The following MBNL2 variants were observed in gnomAD, a reference collection of about 807,000 sequenced individuals.
MBNL2 encodes muscleblind like splicing regulator 2.
MBNL2 carries 17 observed loss-of-function variants against 41.9 expected under a neutral mutation model. The observed-to-expected ratio is 0.41, with a 90% CI of 0.28 to 0.61. The LOEUF (loss-of-function observed/expected upper bound fraction) is 0.61. Among genes scored for constraint, MBNL2 ranks in the 20% least tolerant of loss-of-function variants. The pLI is 0.35. For missense variants in MBNL2, 336 were observed against 505.6 expected (o/e 0.66, Z 3.22); for synonymous variants, 195 against 182.9 (o/e 1.07, Z -0.53).
intron 1 of MBNL2, among the ~76,000 whole-genome samples, chr13:97,248,732 CTATAAAATCA>C (rs2045962217): frequency 6.6e-6 from 1 of 152,014 alleles, no homozygotes; most frequent in Admixed American, 6.6e-5. Flanking sequence ...TTCTAAAATC[CTATAAAATCA>C]GATAAAGAAA....
At chr13:97,173,366 GA>G in the MBNL2 span, among the ~76,000 whole-genome samples, 7 of 152,326 alleles carry the variant, frequency 4.6e-5, no homozygotes, top group African/African-American at 1.7e-4. Flanking sequence ...CTAATACAAA[GA>G]ACTAACCAAA....
chr13:97,372,351 C>T (rs1015243009), intron 8 of MBNL2, among the ~76,000 whole-genome samples: 1 of 151,958 alleles, frequency 6.6e-6, no homozygotes, highest in African/African-American at 2.4e-5. Flanking sequence ...TAAGTACATT[C>T]AACAGAGAGT....
intron 2 of MBNL2, among the ~76,000 whole-genome samples, chr13:97,328,905 G>A (rs2060139050): frequency 1.3e-5 from 2 of 151,990 alleles, no homozygotes; most frequent in Admixed American, 1.3e-4. Flanking sequence ...TTTAAAATAA[G>A]CCATTAGGAA....
chr13:97,241,940 CA>C (rs1173066596), intron 1 of MBNL2, among the ~76,000 whole-genome samples: 1 of 152,160 alleles, frequency 6.6e-6, no homozygotes, highest in Non-Finnish European at 1.5e-5. Context: ...ACCACTCAAA[CA>C]AAAGCCAATA....
the MBNL2 span, among the ~76,000 whole-genome samples, chr13:97,164,431 G>A: frequency 6.6e-6 from 1 of 152,198 alleles, no homozygotes; most frequent in Non-Finnish European, 1.5e-5. Context: ...CTGGTACACA[G>A]AGGCCCTTAA....
chr13:97,256,982 G>T (rs932746399), intron 1 of MBNL2, among the ~76,000 whole-genome samples: 1 of 152,118 alleles, frequency 6.6e-6, no homozygotes, highest in African/African-American at 2.4e-5. Context: ...TTATTTCATC[G>T]TTAGTTAAAA....
chr13:97,270,077 G>A (rs1295168686), intron 1 of MBNL2, among the ~76,000 whole-genome samples: 1 of 152,164 alleles, frequency 6.6e-6, no homozygotes, highest in Non-Finnish European at 1.5e-5. Context: ...CTTGCCCAAG[G>A]TTATGTGACG....
chr13:97,353,650 T>C (rs1336655015), intron 5 of MBNL2, among the ~76,000 whole-genome samples: 1 of 152,218 alleles, frequency 6.6e-6, no homozygotes, highest in Non-Finnish European at 1.5e-5. Context: ...TCTTAAAACA[T>C]AACCATCACC....
chr13:97,158,325 G>A, the MBNL2 span, among the ~76,000 whole-genome samples: 3 of 150,574 alleles, frequency 2.0e-5, no homozygotes, highest in African/African-American at 7.3e-5. Context: ...TATCAATTTT[G>A]TTGATCCTTT....
intron 7 of MBNL2, among the ~76,000 whole-genome samples, chr13:97,364,898 C>T (rs1207381557): frequency 6.6e-6 from 1 of 152,174 alleles, no homozygotes; most frequent in African/African-American, 2.4e-5. Flanking sequence ...CATGTCGATG[C>T]ATATGAATAG....
At chr13:97,369,758 A>AAGTT (rs1196940302) in intron 8 of MBNL2, among the ~76,000 whole-genome samples, 2 of 152,198 alleles carry the variant, frequency 1.3e-5, no homozygotes, top group Non-Finnish European at 2.9e-5. Context: ...CCACCAATAA[A>AAGTT]AGTTTTCACT....
chr13:97,282,219 G>A (rs2053576033), intron 2 of MBNL2, among the ~76,000 whole-genome samples: 1 of 152,070 alleles, frequency 6.6e-6, no homozygotes, highest in African/African-American at 2.4e-5. Flanking sequence ...GCCAGTTCTG[G>A]TGGCATGCAC....
At chr13:97,329,628 AGACACACAACAC>A in intron 2 of MBNL2, among the ~76,000 whole-genome samples, 2 of 128,764 alleles carry the variant, frequency 1.6e-5, no homozygotes, top group African/African-American at 2.9e-5. Flanking sequence ...CACACACACT[AGACACACAACAC>A]ACACACAATA....
At chr13:97,316,153 C>T (rs1179608952) in intron 2 of MBNL2, among the ~76,000 whole-genome samples, 1 of 152,162 alleles carries the variant, frequency 6.6e-6, no homozygotes, top group East Asian at 1.9e-4. Context: ...CGACTGATGA[C>T]AAAAATCCCC....
chr13:97,161,373 G>A, the MBNL2 span, among the ~76,000 whole-genome samples: 1 of 152,150 alleles, frequency 6.6e-6, no homozygotes, highest in African/African-American at 2.4e-5. Flanking sequence ...CCTCACCATT[G>A]AGGGTAAGGA....
chr13:97,367,527 C>T (rs554738912), intron 8 of MBNL2, among the ~76,000 whole-genome samples: 1 of 152,294 alleles, frequency 6.6e-6, no homozygotes, highest in African/African-American at 2.4e-5. Flanking sequence ...GGGATCACGG[C>T]AGTCCCAACC....
chr13:97,386,095 T>C (rs191400067), intron 8 of MBNL2, among the ~76,000 whole-genome samples: 8 of 152,342 alleles, frequency 5.3e-5, no homozygotes. Flanking sequence ...GGTGCCTTGT[T>C]GGTCACATAC....
At chr13:97,302,882 C>T (rs1036770771) in intron 2 of MBNL2, among the ~76,000 whole-genome samples, 7 of 152,172 alleles carry the variant, frequency 4.6e-5, no homozygotes, top group African/African-American at 1.7e-4. Context: ...GCCCTGCAGC[C>T]AAGCGTGTTC....
chr13:97,329,826 A>AACACACAC (rs60899519), intron 2 of MBNL2, among the ~76,000 whole-genome samples: 10 of 149,628 alleles, frequency 6.7e-5, no homozygotes, highest in African/African-American at 2.0e-4. Context: ...ATACACATGC[A>AACACACAC]ACACACACAC....
Sources: gnomAD v4.1 joint callset for allele counts (sites outside exome capture counted in the v4.1 genomes callset) on GRCh38, gnomAD v4.1.1 for gene constraint, MANE v1.5 for transcripts, NCBI Gene and HGNC (gene_info 2026-07-23, HGNC 2026-07-21) for gene names.